The following GARRE1 variants were observed in gnomAD, a reference collection of about 807,000 sequenced individuals.
GARRE1 encodes granule associated Rac and RHOG effector protein 1.
A neutral mutation model predicts 103.2 loss-of-function variants in GARRE1; 49 were observed. That is an observed-to-expected ratio of 0.47 (90% CI 0.38 to 0.60). The LOEUF is 0.60. Ranked by LOEUF, GARRE1 falls within the 20% of genes least tolerant of loss-of-function variation. The probability of loss-of-function intolerance (pLI) is 0.00; values close to 1 mark genes in which losing one functional copy is unlikely to be tolerated. For missense variants in GARRE1, 1,199 were observed against 1,370.5 expected, an observed-to-expected ratio of 0.87 and a Z score of 1.98; for synonymous variants, 505 against 532.8, an observed-to-expected ratio of 0.95 and a Z score of 0.72.
In GARRE1 at chr19:34,354,899, A is replaced by G. The variant is rs999719248; in HGVS notation, c.*1944A>G. 1.3e-5 allele frequency: 2 copies of G among 152,422 alleles called. No individual in the cohort carries two copies. The highest frequency in any genetic ancestry group is 6.6e-5 in the Admixed American group (1 of 15,250). The allele number at this position is 152,422 out of a possible 1,614,324, so 9.4% of individuals were successfully genotyped here. ...CGTGGTTCTGAGCATTCACCTCACC[A>G]TGTTTACAAAGAACTGTTTTGTATA... On this transcript the variant is annotated 3_prime_UTR_variant, in exon 14 of 14. Coordinates refer to ENST00000299505, the MANE Select transcript of GARRE1 (RefSeq NM_014686.5).
At chr19:34,257,587 A>G (rs1174608904) in intron 1 of GARRE1, among the ~76,000 whole-genome samples, 2 of 152,134 alleles carry the variant, frequency 1.3e-5, no homozygotes, top group African/African-American at 4.8e-5. Flanking sequence ...TGGTTTAGAT[A>G]AGGAATTGAT....
intron 1 of GARRE1, among the ~76,000 whole-genome samples, chr19:34,286,411 G>C (rs1256708017): frequency 6.6e-6 from 1 of 151,932 alleles, no homozygotes; most frequent in East Asian, 1.9e-4. Flanking sequence ...AGTAGAGACA[G>C]GGTTTCACCG....
chr19:34,290,874 C>CTTTTTTTTTTTTT, intron 1 of GARRE1, among the ~76,000 whole-genome samples: 1 of 63,214 alleles, frequency 1.6e-5, no homozygotes, highest in Non-Finnish European at 2.8e-5. Context: ...AAGCATATTG[C>CTTTTTTTTTTTTT]TTTTTTTTTT....
At chr19:34,287,677 A>G (rs2073895187) in intron 1 of GARRE1, among the ~76,000 whole-genome samples, 1 of 152,150 alleles carries the variant, frequency 6.6e-6, no homozygotes, top group Non-Finnish European at 1.5e-5. Context: ...TCACAGTTCC[A>G]AAGTCTGGAG....
At position 34,348,022 on chromosome 19, in the gene GARRE1, C is replaced by A. The variant is rs1453199794; in HGVS notation, c.2667C>A (p.Phe889Leu). ...ATGACGCGCATCGGACCTGGCCCTT[C>A]CCCGAGTTCTTCACAGAAGGGTGAG... ...PMDDAHRTWPFPEFFTEGDGL... is the reference protein window; with the variant it reads ...PMDDAHRTWPLPEFFTEGDGL... The change falls in exon 11 of 14, where the codon TTC becomes TTA. Residue 889 changes from phenylalanine to leucine, a missense_variant. Physicochemically the swap from Phe to Leu is conservative, Grantham distance 22. Coordinates refer to ENST00000299505, the MANE Select transcript of GARRE1 (RefSeq NM_014686.5). 1 of 1,499,568 alleles carries A rather than the reference C, an allele frequency of 6.7e-7. No homozygotes were observed. The highest frequency in any genetic ancestry group is 9.0e-7 in the Non-Finnish European group (1 of 1,115,408). 92.9% of individuals were successfully genotyped at this position (1,499,568 alleles called of 1,614,324 possible). A position where few individuals can be genotyped will look rare whatever the true frequency, so the allele number is the denominator to read the frequency against.
Position 34,300,849 on chromosome 19 carries a change from G to A in GARRE1, c.376G>A (p.Glu126Lys). The stretch of plus-strand genomic sequence containing the variant: ...CAAAGATGTGCAGGAGCATGTCATG[G>A]AAGCAGCCAGTCGGCTGACCTCGGC... ...QLKDVQEHVMEAASRLTSAIK... is the reference protein window; with the variant it reads ...QLKDVQEHVMKAASRLTSAIK... The change falls in exon 2 of 14, where the codon GAA (glutamate) becomes AAA (lysine). Residue 126 changes from glutamate to lysine, a missense_variant. Physicochemically the swap from Glu to Lys is moderately conservative, Grantham distance 56. Coordinates refer to ENST00000299505, the MANE Select transcript of GARRE1 (RefSeq NM_014686.5). The A allele has an allele frequency of 1.2e-6, 2 of 1,614,018 alleles. No individual in the cohort carries two copies. Among genetic ancestry groups the A allele is most frequent in the Non-Finnish European group, 1.7e-6 (2 of 1,180,050 alleles).
chr19:34,351,453 C>A, intron 12 of GARRE1, 61 bp from the exon 13 acceptor site: 1 of 1,291,560 alleles, frequency 7.7e-7, no homozygotes, highest in South Asian at 1.2e-5. Flanking sequence ...TAGTGTGTAC[C>A]CTACAGGTGG....
At position 34,300,427 on chromosome 19, in the gene GARRE1, C is replaced by A; in HGVS notation, c.-47C>A. The A allele has an allele frequency of 6.6e-7, 1 of 1,507,516 alleles. No individual in the cohort carries two copies. Among genetic ancestry groups the A allele is most frequent in the South Asian group, 1.4e-5 (1 of 73,920 alleles). 93.4% of individuals were successfully genotyped at this position (1,507,516 alleles called of 1,614,324 possible). ...AGCTACAGTTTTGAGAAAGAAGAAT[C>A]AGAACCCTGACCCACTTACGGTTGC... On this transcript the variant is annotated 5_prime_UTR_variant, in exon 2 of 14. Coordinates refer to ENST00000299505, the MANE Select transcript of GARRE1 (RefSeq NM_014686.5).
intron 2 of GARRE1, among the ~76,000 whole-genome samples, chr19:34,308,201 G>C (rs1416001010): frequency 6.9e-6 from 1 of 145,490 alleles, no homozygotes; most frequent in Non-Finnish European, 1.5e-5. Context: ...AATACGATTT[G>C]CATTAACCTT....
At chr19:34,257,516 T>TG (rs2073681948) in intron 1 of GARRE1, among the ~76,000 whole-genome samples, 1 of 152,156 alleles carries the variant, frequency 6.6e-6, no homozygotes, top group Non-Finnish European at 1.5e-5. Flanking sequence ...CACTCTTTTT[T>TG]CCTCCTGTAA....
chr19:34,259,602 T>G (rs2073701878), intron 1 of GARRE1, among the ~76,000 whole-genome samples: 1 of 152,322 alleles, frequency 6.6e-6, no homozygotes, highest in African/African-American at 2.4e-5. Context: ...GCGTGTCTTA[T>G]TTACTGCTTT....
intron 1 of GARRE1, among the ~76,000 whole-genome samples, chr19:34,271,670 G>A (rs2073788952): frequency 1.3e-5 from 2 of 152,034 alleles, no homozygotes; most frequent in South Asian, 4.1e-4. Flanking sequence ...GACCAGCCTG[G>A]GCAATGTAGA....
intron 1 of GARRE1, chr19:34,265,710 G>A (rs2073747242): frequency 6.6e-6 from 1 of 152,188 alleles, no homozygotes; most frequent in African/African-American, 2.4e-5. Flanking sequence ...CAAGAATTAA[G>A]AATTGCAGTG....
At chr19:34,289,697 C>G (rs1473201926) in intron 1 of GARRE1, among the ~76,000 whole-genome samples, 2 of 151,266 alleles carry the variant, frequency 1.3e-5, no homozygotes, top group Non-Finnish European at 2.9e-5. Context: ...GCACTCCAGC[C>G]TGGTGACAGA....
At chr19:34,278,998 C>T (rs2073835028) in intron 1 of GARRE1, among the ~76,000 whole-genome samples, 1 of 152,094 alleles carries the variant, frequency 6.6e-6, no homozygotes, top group African/African-American at 2.4e-5. Context: ...AAATAATAGT[C>T]CATTGTATGG....
intron 1 of GARRE1, among the ~76,000 whole-genome samples, chr19:34,272,055 G>T (rs944641350): frequency 6.6e-6 from 1 of 152,166 alleles, no homozygotes; most frequent in Non-Finnish European, 1.5e-5. Flanking sequence ...TGTAGAAGAG[G>T]CACTGTGGTG....
chr19:34,293,066 A>G (rs1038258549), intron 1 of GARRE1, among the ~76,000 whole-genome samples: 4 of 152,144 alleles, frequency 2.6e-5, no homozygotes, highest in African/African-American at 9.7e-5. Context: ...ATCTTCATCA[A>G]TACTTGTTAC....
At chr19:34,337,217 C>T (rs1327206977) in intron 8 of GARRE1, among the ~76,000 whole-genome samples, 1 of 152,162 alleles carries the variant, frequency 6.6e-6, no homozygotes, top group Non-Finnish European at 1.5e-5. Context: ...AGACACTGTT[C>T]TGGGCTCTGG....
chr19:34,334,687 A>G (rs2074152619), intron 8 of GARRE1, among the ~76,000 whole-genome samples: 1 of 144,012 alleles, frequency 6.9e-6, no homozygotes, highest in South Asian at 2.3e-4. Context: ...CAATAGAGCA[A>G]AACTATCTCA....
Sources: allele counts gnomAD v4.1 joint callset (sites outside exome capture counted in the v4.1 genomes callset), GRCh38; gene constraint gnomAD v4.1.1; transcripts MANE v1.5; gene names NCBI Gene and HGNC (gene_info 2026-07-23, HGNC 2026-07-21).